The following TAFA1 variants were observed in gnomAD, a reference collection of about 807,000 sequenced individuals.
TAFA1 encodes chemokine-like protein TAFA-1.
Under a neutral mutation model 18.5 loss-of-function variants are expected in TAFA1, and 4 were observed. That is an observed-to-expected ratio of 0.22 (90% CI 0.11 to 0.49). TAFA1 has a LOEUF of 0.49. TAFA1 is among the 20% of genes least tolerant of loss of function. TAFA1 has a pLI of 0.98. For synonymous variants in TAFA1, 56 were observed against 55.2 expected, an observed-to-expected ratio of 1.01 and a Z score of -0.06; for missense variants, 147 against 169.0, an observed-to-expected ratio of 0.87 and a Z score of 0.72.
intron 2 of TAFA1, among the ~76,000 whole-genome samples, chr3:68,171,816 T>C (rs926543818): frequency 3.3e-5 from 5 of 151,414 alleles, no homozygotes; most frequent in African/African-American, 1.2e-4. Flanking sequence ...AAAAAATCAA[T>C]GGCAAATCAA....
At chr3:68,535,318 C>T (rs984167296) in intron 3 of TAFA1, among the ~76,000 whole-genome samples, 1 of 151,302 alleles carries the variant, frequency 6.6e-6, no homozygotes. Context: ...GTACTTTTAC[C>T]CATGACAAGA....
intron 2 of TAFA1, among the ~76,000 whole-genome samples, chr3:68,170,924 A>G (rs1240537856): frequency 1.3e-5 from 2 of 152,100 alleles, no homozygotes; most frequent in Admixed American, 6.6e-5. Context: ...GAATTCATCC[A>G]GGAAACTCAT....
chr3:68,019,381 C>G (rs909827663), intron 2 of TAFA1, among the ~76,000 whole-genome samples: 12 of 152,228 alleles, frequency 7.9e-5, no homozygotes, highest in African/African-American at 2.2e-4. Flanking sequence ...CCTTTTGTGC[C>G]CCAGTCAGGG....
intron 2 of TAFA1, among the ~76,000 whole-genome samples, chr3:68,345,352 G>A (rs1376338673): frequency 1.3e-5 from 2 of 152,178 alleles, no homozygotes; most frequent in African/African-American, 4.8e-5. Context: ...AGTGGCTGCT[G>A]TGTATTTCTC....
intron 2 of TAFA1, among the ~76,000 whole-genome samples, chr3:68,315,246 A>G (rs1303423863): frequency 1.3e-5 from 2 of 152,160 alleles, no homozygotes; most frequent in African/African-American, 2.4e-5. Context: ...GAATTTTCCA[A>G]TTATATCAAT....
At position 68,342,213 on chromosome 3, in the gene TAFA1, A is replaced by G. The variant is rs1314510716; in HGVS notation, c.119-75067A>G. Among the ~76,000 whole-genome samples the G allele has an allele frequency of 4.6e-5, 7 of 152,334 alleles. No individual in the cohort carries two copies. In the South Asian group the frequency reaches 1.0e-3, roughly 23 times the overall value. On this transcript the variant is annotated intron_variant, in intron 2 of 4. Transcript: ENST00000478136. ...CTGTCCTCCAAAGCCTCCATAATGT[A>G]TCAGCCCCATGTGAGATCCAAACCA...
At chr3:68,397,050 A>G (rs2070394771) in intron 2 of TAFA1, among the ~76,000 whole-genome samples, 1 of 152,174 alleles carries the variant, frequency 6.6e-6, no homozygotes, top group Admixed American at 6.5e-5. Context: ...AGTATTAACC[A>G]TGAAAGACTT....
intron 2 of TAFA1, among the ~76,000 whole-genome samples, chr3:68,044,439 G>A (rs945694549): frequency 6.6e-6 from 1 of 152,032 alleles, no homozygotes; most frequent in Non-Finnish European, 1.5e-5. Flanking sequence ...AAAAAAATCT[G>A]AACTTTCTGC....
intron 2 of TAFA1, among the ~76,000 whole-genome samples, chr3:68,305,409 CTATATATATATATA>C (rs773025236): frequency 0.024 from 915 of 38,152 alleles, 21 homozygotes; most frequent in South Asian, 0.073. Context: ...GACTATATGA[CTATATATATATATA>C]TATATATATA....
At chr3:68,082,784 CTG>C (rs961038646) in intron 2 of TAFA1, among the ~76,000 whole-genome samples, 4 of 152,160 alleles carry the variant, frequency 2.6e-5, no homozygotes, top group African/African-American at 4.8e-5. Flanking sequence ...CTTTCAGAGA[CTG>C]ACACAGTTTC....
intron 3 of TAFA1, among the ~76,000 whole-genome samples, chr3:68,455,456 A>T (rs887783331): frequency 5.3e-5 from 8 of 152,228 alleles, no homozygotes; most frequent in African/African-American, 1.7e-4. Flanking sequence ...AAGTCAAAGC[A>T]GTCTTCAATA....
At chr3:68,221,611 C>T (rs1162943273) in intron 2 of TAFA1, among the ~76,000 whole-genome samples, 1 of 152,054 alleles carries the variant, frequency 6.6e-6, no homozygotes, top group African/African-American at 2.4e-5. Flanking sequence ...TACACTAGAA[C>T]AACTGGGGTA....
At chr3:68,290,139 T>C (rs2068081873) in intron 2 of TAFA1, among the ~76,000 whole-genome samples, 1 of 152,226 alleles carries the variant, frequency 6.6e-6, no homozygotes, top group African/African-American at 2.4e-5. Flanking sequence ...ATTTACTGTA[T>C]ATATTACTTA....
At chr3:68,496,059 C>G (rs1191672490) in intron 3 of TAFA1, among the ~76,000 whole-genome samples, 2 of 141,390 alleles carry the variant, frequency 1.4e-5, no homozygotes, top group Non-Finnish European at 1.5e-5. Flanking sequence ...AATCAAATAT[C>G]ACTGTGTCTG....
intron 2 of TAFA1, among the ~76,000 whole-genome samples, chr3:68,259,350 G>A (rs1205199189): frequency 6.6e-6 from 1 of 152,166 alleles, no homozygotes. Flanking sequence ...TAACTGAGAT[G>A]TCCCTTCACA....
At chr3:68,375,337 C>T (rs1478213809) in intron 2 of TAFA1, among the ~76,000 whole-genome samples, 1 of 152,078 alleles carries the variant, frequency 6.6e-6, no homozygotes, top group African/African-American at 2.4e-5. Flanking sequence ...AGTTTTAAAC[C>T]TATTTTGATT....
chr3:68,485,102 C>T (rs1210017527), intron 3 of TAFA1, among the ~76,000 whole-genome samples: 5 of 152,154 alleles, frequency 3.3e-5, no homozygotes, highest in Admixed American at 2.6e-4. Flanking sequence ...TCATGGGTTG[C>T]AGTCTCCAGC....
intron 2 of TAFA1, among the ~76,000 whole-genome samples, chr3:68,261,457 C>G (rs2067420103): frequency 6.6e-6 from 1 of 152,180 alleles, no homozygotes; most frequent in African/African-American, 2.4e-5. Context: ...TATAAAGATA[C>G]ATGCACATGT....
At chr3:68,075,741 G>A (rs1233802528) in intron 2 of TAFA1, among the ~76,000 whole-genome samples, 5 of 149,722 alleles carry the variant, frequency 3.3e-5, no homozygotes, top group African/African-American at 1.2e-4. Context: ...CTGTCACCCA[G>A]GCTAGAGTAC....
Sources: allele counts gnomAD v4.1 joint callset (sites outside exome capture counted in the v4.1 genomes callset), GRCh38; gene constraint gnomAD v4.1.1; transcripts MANE v1.5; gene names NCBI Gene and HGNC (gene_info 2026-07-23, HGNC 2026-07-21).